KIFC2: variants seen among roughly 807,000 people sequenced by gnomAD.
KIFC2 encodes the protein kinesin-like protein KIFC2.
In KIFC2, 94 loss-of-function variants were observed where a neutral mutation model predicts 91.5. The ratio of observed to expected loss-of-function variants is 1.03; its 90% CI spans 0.87 to 1.22. KIFC2 has a LOEUF of 1.22. Among genes scored for constraint, KIFC2 ranks in the 50% most tolerant of loss-of-function variants. The pLI is 0.00. For synonymous variants in KIFC2, 729 were observed against 503.9 expected (o/e 1.45, Z -5.98); for missense variants, 1,357 against 1,103.3 (o/e 1.23, Z -3.26).
rs768724672 is a variant in KIFC2 at position 144,466,393 on chromosome 8, C to CG, written c.-23dup. ...CGCGGGGACGCGGGGCGGCGCGAAGCGGGGCCCTCTGCCGCCCCGCGCTCC... is the reference window on the plus strand; with the variant it reads ...CGCGGGGACGCGGGGCGGCGCGAAGCGGGGGCCCTCTGCCGCCCCGCGCTCC... On this transcript the variant is annotated 5_prime_UTR_variant, in exon 1 of 18. Coordinates refer to ENST00000645548, the MANE Select transcript of KIFC2 (RefSeq NM_001369769.2). The CG allele has an allele frequency of 9.4e-7, 1 of 1,061,742 alleles. No individual in the cohort carries two copies. The highest frequency in any genetic ancestry group is 3.8e-5 in the Admixed American group (1 of 26,616). The allele number at this position is 1,061,742 out of a possible 1,614,324, so 65.8% of individuals were successfully genotyped here. A position where few individuals can be genotyped will look rare whatever the true frequency, so the allele number is the denominator to read the frequency against.
At position 144,469,297 on chromosome 8, in the gene KIFC2, A is replaced by C; in HGVS notation, c.1140A>C (p.Ser380=). ...GQVSWALGAL[S]SGGPGTQLPE... ...TGTCCTGGGCCTTGGGGGCACTGTC[A>C]TCTGGAGGGCCTGGCACTCAGCTCC... The change falls in exon 11 of 18, where the codon TCA becomes TCC. Residue 380 remains serine (S), a synonymous_variant. Coordinates refer to ENST00000645548, the MANE Select transcript of KIFC2 (RefSeq NM_001369769.2). 6.2e-7 allele frequency: 1 copy of C among 1,603,020 alleles called. No homozygotes were observed. The highest frequency in any genetic ancestry group is 1.1e-5 in the South Asian group (1 of 89,146).
Position 144,468,004 on chromosome 8 carries a change from C to G in KIFC2, c.810+17C>G, listed in dbSNP as rs371134967. 162 of 1,523,516 alleles carry G rather than the reference C, an allele frequency of 1.1e-4. No homozygotes were observed. Among genetic ancestry groups the G allele is most frequent in the Non-Finnish European group, 1.3e-4 (144 of 1,142,018 alleles). 94.4% of individuals were successfully genotyped at this position (1,523,516 alleles called of 1,614,324 possible). A position where few individuals can be genotyped will look rare whatever the true frequency, so the allele number is the denominator to read the frequency against. On this transcript the variant is annotated intron_variant, in intron 7 of 17. Coordinates refer to ENST00000645548, the MANE Select transcript of KIFC2 (RefSeq NM_001369769.2). ...GCTCCGCAGGTACTCTGCTCCCGAG[C>G]TGCAGCCGTTCCTGCAGCCTGGGGC...
At chr8:144,468,023 C>T in intron 7 of KIFC2, 36 bp downstream of exon 7, 18 of 1,502,474 alleles carry the variant, frequency 1.2e-5, no homozygotes, top group Middle Eastern at 2.0e-4. Context: ...TTCCTGCAGC[C>T]TGGGGCTCTT....
Position 144,469,639 on chromosome 8 carries a change from C to A in KIFC2, c.1372C>A (p.Gln458Lys). 1 of 1,597,428 alleles carries A rather than the reference C, an allele frequency of 6.3e-7. No homozygotes were observed. The highest frequency in any genetic ancestry group is 1.1e-5 in the South Asian group (1 of 88,824). The stretch of plus-strand genomic sequence containing the variant: ...CTGGGTCTTCCCTCCAGACGCCAGC[C>A]AGGAGGAGGTGACAGCCTGCCTTTG... ...LDWVFPPDAS[Q>K]EEVFRELEPA... The change falls in exon 12 of 18, where the codon CAG (glutamine) becomes AAG (lysine). Residue 458 changes from glutamine to lysine, a missense_variant. Coordinates refer to ENST00000645548, the MANE Select transcript of KIFC2 (RefSeq NM_001369769.2).
At chr8:144,466,547 G>C in intron 1 of KIFC2, 29 bp downstream of exon 1, 1 of 1,130,186 alleles carries the variant, frequency 8.8e-7, no homozygotes, top group Non-Finnish European at 1.1e-6. Context: ...GCAGCCCGTC[G>C]TCTCCCGCCG....
In KIFC2 at chr8:144,472,843, C is replaced by A; in HGVS notation, c.1910C>A (p.Ala637Glu). 6.4e-7 allele frequency: 1 copy of A among 1,558,166 alleles called. No individual in the cohort carries two copies. Among genetic ancestry groups the A allele is most frequent in the Non-Finnish European group, 8.6e-7 (1 of 1,164,230 alleles). The part of the protein sequence containing the change: ...DLAGSERARK[A>E]GAAGPPRGDP... ...GCGGGATCCGAACGCGCACGGAAGG[C>A]AGGGGCGGCCGGCCCGCCGCGGGGA... The change falls in exon 17 of 18, where the codon GCA (alanine) becomes GAA (glutamate). Residue 637 changes from alanine to glutamate, a missense_variant. Ala to Glu is a moderately radical substitution (Grantham distance 107). Coordinates refer to ENST00000645548, the MANE Select transcript of KIFC2 (RefSeq NM_001369769.2).
chr8:144,468,287 C>T, intron 7 of KIFC2, 42 bp from the exon 8 acceptor site: 3 of 1,532,476 alleles, frequency 2.0e-6, no homozygotes, highest in Non-Finnish European at 1.8e-6. Context: ...GTACCACAGA[C>T]CGTCCCTCTC....
Position 144,468,530 on chromosome 8 carries a change from G to C in KIFC2, c.889-6G>C, listed in dbSNP as rs1824786469. 1.3e-6 allele frequency: 1 copy of C among 788,204 alleles called. No individual in the cohort carries two copies. Among genetic ancestry groups the C allele is most frequent in the Non-Finnish European group, 1.9e-6 (1 of 519,558 alleles). 48.8% of individuals were successfully genotyped at this position (788,204 alleles called of 1,614,324 possible). A position where few individuals can be genotyped will look rare whatever the true frequency, so the allele number is the denominator to read the frequency against. ...TCAGTGACAGGGGTGGGGTTGGGCG[G>C]GGCAGCTGGGGGTGCAGGAGGTGCA... On this transcript the variant is annotated splice_region_variant and splice_polypyrimidine_tract_variant and intron_variant, in intron 8 of 17. Coordinates refer to ENST00000645548, the MANE Select transcript of KIFC2 (RefSeq NM_001369769.2).
intron 12 of KIFC2, 130 bp from the exon 13 acceptor site, chr8:144,471,812 C>T: frequency 1.3e-6 from 1 of 764,740 alleles, no homozygotes; most frequent in Non-Finnish European, 2.3e-6. Context: ...CCCCATGGTC[C>T]CTTAGAGCCA....
intron 7 of KIFC2, 122 bp downstream of exon 7, chr8:144,468,109 C>A: frequency 7.6e-7 from 1 of 1,310,038 alleles, no homozygotes; most frequent in Non-Finnish European, 1.0e-6. Flanking sequence ...GCAGCCCCAT[C>A]AGGGAGGCTG....
Position 144,466,507 on chromosome 8 carries a change from G to T in KIFC2, c.88G>T (p.Asp30Tyr). 7.7e-7 allele frequency: 1 copy of T among 1,300,196 alleles called. No individual in the cohort carries two copies. 80.5% of individuals were successfully genotyped at this position (1,300,196 alleles called of 1,614,324 possible). A position where few individuals can be genotyped will look rare whatever the true frequency, so the allele number is the denominator to read the frequency against. The stretch of plus-strand genomic sequence containing the variant: ...CGCCGCGGCGGCCGCGGAGCCCGGG[G>T]ACCCCGCCCAGGTGAGCGGGGCTGG... ...GGAAAAAEPG[D>Y]PAQRARKPRG... The change falls in exon 1 of 18, where the codon GAC becomes TAC. Residue 30 changes from aspartate (D) to tyrosine (Y), a missense_variant. By Grantham distance (160) the Asp-to-Tyr change is radical. Transcript: ENST00000645548.
Position 144,468,358 on chromosome 8 carries a change from G to A in KIFC2, c.840G>A (p.Gln280=), listed in dbSNP as rs1371763151. ...QEEAEALLEL[Q]GRLQEAQDTT... ...AGGCAGAGGCATTGCTAGAGCTCCA[G>A]GGCCGGCTTCAGGAGGCCCAAGACA... Residue 280 remains glutamine, a synonymous_variant, in exon 8 of 18, where the codon CAG becomes CAA. Transcript: ENST00000645548. 7 of 1,612,746 alleles carry A rather than the reference G, an allele frequency of 4.3e-6. No individual in the cohort carries two copies. Among genetic ancestry groups the A allele is most frequent in the Middle Eastern group, 1.6e-4 (1 of 6,062 alleles).
chr8:144,466,583 C>A, intron 1 of KIFC2, 65 bp downstream of exon 1: 1 of 958,662 alleles, frequency 1.0e-6, no homozygotes, highest in Non-Finnish European at 1.4e-6. Context: ...CGCCGAGGTT[C>A]CCGGGGCGGG....
intron 10 of KIFC2, 96 bp downstream of exon 10, chr8:144,468,930 G>A: frequency 1.0e-6 from 1 of 1,000,558 alleles, no homozygotes; most frequent in South Asian, 1.5e-5. Context: ...GTACTAATAA[G>A]TGGGGCTCTG....
Position 144,473,626 on chromosome 8 carries a change from C to A in KIFC2, c.*237C>A. ...ATCAGGCCACAGGTCTTGGCTTTCTCCTTATCACCATTTGCTGTTATCACG... is the reference window on the plus strand; with the variant it reads ...ATCAGGCCACAGGTCTTGGCTTTCTACTTATCACCATTTGCTGTTATCACG... On this transcript the variant is annotated 3_prime_UTR_variant, in exon 18 of 18. Coordinates refer to ENST00000645548, the MANE Select transcript of KIFC2 (RefSeq NM_001369769.2). 1 of 554,434 alleles carries A rather than the reference C, an allele frequency of 1.8e-6. No homozygotes were observed. The allele number at this position is 554,434 out of a possible 1,614,324, so 34.3% of individuals were successfully genotyped here. A position where few individuals can be genotyped will look rare whatever the true frequency, so the allele number is the denominator to read the frequency against.
chr8:144,467,044 C>T lies in KIFC2; in HGVS notation c.264C>T (p.Leu88=). 1.9e-6 allele frequency: 3 copies of T among 1,593,562 alleles called. No individual in the cohort carries two copies. Among genetic ancestry groups the T allele is most frequent in the Non-Finnish European group, 1.7e-6 (2 of 1,171,254 alleles). ...CCCTGGAAGAGGCCCTACTGCGCCT[C>T]GCCGAGTTCCTCTCCGTCCAGCTGG... is the stretch of plus-strand genomic sequence containing the variant. ...AVSLEEALLR[L]AEFLSVQLGA... is the part of the protein sequence containing the mutation. Residue 88 remains leucine (L), a synonymous_variant, in exon 3 of 18, where the codon CTC becomes CTT. Coordinates refer to ENST00000645548, the MANE Select transcript of KIFC2 (RefSeq NM_001369769.2).
At position 144,472,956 on chromosome 8, in the gene KIFC2, G is replaced by T. The variant is rs772464807; in HGVS notation, c.2023G>T (p.Ala675Ser). 16 of 1,467,468 alleles carry T rather than the reference G, an allele frequency of 1.1e-5. No homozygotes were observed. The highest frequency in any genetic ancestry group is 2.7e-5 in the South Asian group (2 of 75,294). 90.9% of individuals were successfully genotyped at this position (1,467,468 alleles called of 1,614,324 possible). A position where few individuals can be genotyped will look rare whatever the true frequency, so the allele number is the denominator to read the frequency against. The change falls in exon 17 of 18, where the codon GCC becomes TCC. Residue 675 changes from alanine (A) to serine (S), a missense_variant. Physicochemically the swap from Ala to Ser is moderately conservative, Grantham distance 99. Transcript: ENST00000645548. ...AGGAGGCGTGATGGCCGCACTGCGG[G>T]CCCACCGGCCGCACGTGCCCTTCCG... ...ALGGVMAALRAHRPHVPFRDS... is the reference protein window; with the variant it reads ...ALGGVMAALRSHRPHVPFRDS...
Position 144,468,772 on chromosome 8 carries a change from C to A in KIFC2, c.1051C>A (p.Arg351=), listed in dbSNP as rs1824800524. ...ASLRQGCGDL[R]GLVSTFTQSC... The stretch of plus-strand genomic sequence containing the variant: ...CCTGCGTCAGGGCTGCGGGGACCTC[C>A]GAGGTTTGGTCAGCACCTTTACCCA... Residue 351 remains arginine, a synonymous_variant, in exon 10 of 18, where the codon CGA becomes AGA. Transcript: ENST00000645548. 1 of 1,613,944 alleles carries A rather than the reference C, an allele frequency of 6.2e-7. No individual in the cohort carries two copies. The highest frequency in any genetic ancestry group is 1.3e-5 in the African/African-American group (1 of 74,910).
chr8:144,473,664 G>T lies in KIFC2; in HGVS notation c.*275G>T, dbSNP rs1217326983. 2 of 495,784 alleles carry T rather than the reference G, an allele frequency of 4.0e-6. No individual in the cohort carries two copies. The highest frequency in any genetic ancestry group is 6.9e-6 in the Non-Finnish European group (2 of 289,630). The allele number at this position is 495,784 out of a possible 1,614,324, so 30.7% of individuals were successfully genotyped here. On this transcript the variant is annotated 3_prime_UTR_variant, in exon 18 of 18. Coordinates refer to ENST00000645548, the MANE Select transcript of KIFC2 (RefSeq NM_001369769.2). ...TGCTGTTATCACGGCACACAGCAGGGAATCCCAGGCCCCCCCGCCAAGTGG... is the reference window on the plus strand; with the variant it reads ...TGCTGTTATCACGGCACACAGCAGGTAATCCCAGGCCCCCCCGCCAAGTGG...
Sources: allele counts gnomAD v4.1 joint callset, GRCh38; gene constraint gnomAD v4.1.1; transcripts MANE v1.5; gene names NCBI Gene and HGNC (gene_info 2026-07-23, HGNC 2026-07-21).